Variants in LINGO1 observed in about 807,000 individuals in gnomAD.
LINGO1 encodes leucine-rich repeat and immunoglobulin-like domain-containing nogo receptor-interacting protein 1.
In LINGO1, 11 loss-of-function variants were observed where a neutral mutation model predicts 37.3. That is an observed-to-expected ratio of 0.29 (90% CI 0.19 to 0.49). The LOEUF is 0.49. Among genes scored for constraint, LINGO1 ranks in the 20% least tolerant of loss-of-function variants. The pLI is 0.99. For synonymous variants in LINGO1, 387 were observed against 403.0 expected, an observed-to-expected ratio of 0.96 and a Z score of 0.48; for missense variants, 585 against 878.2, an observed-to-expected ratio of 0.67 and a Z score of 4.22.
chr15:77,685,323 C>T (rs919180596), intron 2 of LINGO1, among the ~76,000 whole-genome samples: 19 of 152,094 alleles, frequency 1.2e-4, no homozygotes, highest in Non-Finnish European at 2.4e-4. Flanking sequence ...GTGGCTGTGG[C>T]CTACTTTCAG....
At chr15:77,736,346 C>T (rs2076203801) in intron 1 of LINGO1, among the ~76,000 whole-genome samples, 1 of 152,210 alleles carries the variant, frequency 6.6e-6, no homozygotes, top group South Asian at 2.1e-4. Flanking sequence ...AATAACCATG[C>T]TTGTGCTCAC....
At chr15:77,776,522 G>GGAAAGCAGGAAAGC (rs2076651152) in intron 1 of LINGO1, among the ~76,000 whole-genome samples, 1 of 52,470 alleles carries the variant, frequency 1.9e-5, no homozygotes, top group South Asian at 7.1e-4. Flanking sequence ...GGCAGGAAGG[G>GGAAAGCAGGAAAGC]AGGAAGGGAG....
chr15:77,787,059 C>T (rs1382522973), upstream of LINGO1: 1 of 152,246 alleles, frequency 6.6e-6, no homozygotes, highest in African/African-American at 2.4e-5. Context: ...TGGGACAGAC[C>T]CAAGAGTCTC....
intron 1 of LINGO1, among the ~76,000 whole-genome samples, chr15:77,743,631 C>T (rs1003685638): frequency 2.0e-5 from 3 of 152,170 alleles, no homozygotes; most frequent in Admixed American, 6.5e-5. Flanking sequence ...CAAATTACAA[C>T]GCAATATAAA....
intron 2 of LINGO1, among the ~76,000 whole-genome samples, chr15:77,706,051 G>A (rs949567028): frequency 6.6e-6 from 1 of 152,174 alleles, no homozygotes; most frequent in African/African-American, 2.4e-5. Context: ...TCCCTTGTCT[G>A]TAAGATGGGG....
At chr15:77,681,467 G>A (rs1254868906) in intron 2 of LINGO1, among the ~76,000 whole-genome samples, 2 of 152,166 alleles carry the variant, frequency 1.3e-5, no homozygotes, top group South Asian at 4.1e-4. Context: ...GGGAGGAAGG[G>A]GTTGTAGGTT....
At chr15:77,641,769 C>A in intron 3 of LINGO1, 1 of 436,472 alleles carries the variant, frequency 2.3e-6, no homozygotes, top group South Asian at 1.6e-5. Flanking sequence ...GAGCCAGAAA[C>A]GGGGCTGTGG....
At chr15:77,758,800 C>T (rs1187091263) in intron 1 of LINGO1, among the ~76,000 whole-genome samples, 1 of 151,766 alleles carries the variant, frequency 6.6e-6, no homozygotes, top group African/African-American at 2.4e-5. Flanking sequence ...TCACACCATG[C>T]TTGGCACAGA....
chr15:77,697,429 C>T (rs555122854), upstream of LINGO1, among the ~76,000 whole-genome samples: 39 of 152,242 alleles, frequency 2.6e-4, no homozygotes, highest in African/African-American at 8.4e-4. Flanking sequence ...CAGGGTAAGA[C>T]GCCTAGAGCC....
intron 1 of LINGO1, among the ~76,000 whole-genome samples, chr15:77,616,721 C>T (rs1446036338): frequency 6.6e-6 from 1 of 152,194 alleles, no homozygotes; most frequent in Non-Finnish European, 1.5e-5. Context: ...GCTCAGGCTC[C>T]TGAGCCCAGG....
intron 3 of LINGO1, among the ~76,000 whole-genome samples, chr15:77,655,794 G>A (rs1254682579): frequency 6.6e-6 from 1 of 152,178 alleles, no homozygotes; most frequent in Non-Finnish European, 1.5e-5. Context: ...TGACGAGACG[G>A]TGGGGCTGAT....
At chr15:77,653,201 G>A (rs1045310867) in intron 3 of LINGO1, among the ~76,000 whole-genome samples, 1 of 152,206 alleles carries the variant, frequency 6.6e-6, no homozygotes, top group Non-Finnish European at 1.5e-5. Context: ...GGATTCCAGG[G>A]GTCTTGAGGC....
intron 1 of LINGO1, among the ~76,000 whole-genome samples, chr15:77,776,518 AAGGG>A (rs1193722270): frequency 2.0e-5 from 1 of 49,534 alleles, no homozygotes; most frequent in East Asian, 5.5e-4. Context: ...GGAAGGCAGG[AAGGG>A]AGGAAGGGAG....
At position 77,632,400 on chromosome 15, in the gene LINGO1, G is replaced by C. The variant is rs1421969120; in HGVS notation, c.-85C>G. The C allele has an allele frequency of 7.8e-7, 1 of 1,275,114 alleles. No individual in the cohort carries two copies. Among genetic ancestry groups the C allele is most frequent in the Non-Finnish European group, 1.0e-6 (1 of 1,002,562 alleles). 79.0% of individuals were successfully genotyped at this position (1,275,114 alleles called of 1,614,324 possible). The stretch of plus-strand genomic sequence containing the variant: ...CCGACCAGGCCCCAGCCCCTGCCCA[G>C]CCCCCTCCTCCGTTTCCTCCTCCTC... On this transcript the variant is annotated 5_prime_UTR_variant, in exon 1 of 2. Coordinates refer to ENST00000355300, the MANE Select transcript of LINGO1 (RefSeq NM_032808.7). The surrounding 1 kb of genome is among the most constrained non-coding windows in gnomAD (Gnocchi z 6.0).
At chr15:77,646,424 G>C in intron 3 of LINGO1, 1 of 455,778 alleles carries the variant, frequency 2.2e-6, no homozygotes, top group Non-Finnish European at 4.4e-6. Context: ...ACGGCTAGGG[G>C]GCAGGGAAGG....
intron 3 of LINGO1, among the ~76,000 whole-genome samples, chr15:77,672,519 G>A (rs573532120): frequency 2.6e-5 from 4 of 152,244 alleles, no homozygotes; most frequent in East Asian, 1.9e-4. Flanking sequence ...GTCAGGGGGC[G>A]CTCTGTGCCT....
chr15:77,799,664 G>A (rs2076901611), intron 1 of LINGO1, among the ~76,000 whole-genome samples: 1 of 152,174 alleles, frequency 6.6e-6, no homozygotes, highest in South Asian at 2.1e-4. Flanking sequence ...CCATGAGCCA[G>A]GCATGACACT....
upstream of LINGO1, among the ~76,000 whole-genome samples, chr15:77,635,623 C>T (rs957378813): frequency 3.4e-5 from 5 of 145,678 alleles, no homozygotes; most frequent in African/African-American, 1.1e-4. Context: ...GCACCCCAGG[C>T]CTTTGTGCCT....
chr15:77,717,499 C>T (rs2075998706), intron 2 of LINGO1, among the ~76,000 whole-genome samples: 1 of 150,718 alleles, frequency 6.6e-6, no homozygotes, highest in African/African-American at 2.4e-5. Context: ...CCCAAAAGCC[C>T]TCCACTGGCA....
Sources: allele counts gnomAD v4.1 joint callset (sites outside exome capture counted in the v4.1 genomes callset), GRCh38; gene constraint gnomAD v4.1.1; non-coding constraint Gnocchi (gnomAD v3.1); transcripts MANE v1.5; gene names NCBI Gene and HGNC (gene_info 2026-07-23, HGNC 2026-07-21).